The following DOCK7 variants were observed in gnomAD, a reference collection of about 807,000 sequenced individuals.
DOCK7 encodes dedicator of cytokinesis 7.
DOCK7 carries 138 observed loss-of-function variants against 271.0 expected under a neutral mutation model. That is an observed-to-expected ratio of 0.51 (90% CI 0.44 to 0.59). DOCK7 has a LOEUF of 0.59. Among genes scored for constraint, DOCK7 ranks in the 20% least tolerant of loss-of-function variants. DOCK7 has a pLI of 0.00. For synonymous variants in DOCK7, 823 were observed against 876.1 expected (o/e 0.94, Z 1.07); for missense variants, 2,066 against 2,592.4 (o/e 0.80, Z 4.41).
At chr1:62,512,614 A>G (rs763372114) in intron 33 of DOCK7, among the ~76,000 whole-genome samples, 1 of 152,208 alleles carries the variant, frequency 6.6e-6, no homozygotes, top group Non-Finnish European at 1.5e-5. Flanking sequence ...TTTTGCAAAT[A>G]AAGAGTAAAA....
At chr1:62,485,118 A>C in intron 43 of DOCK7, 1 of 977,684 alleles carries the variant, frequency 1.0e-6, no homozygotes, top group Non-Finnish European at 1.2e-6. Flanking sequence ...TCTGAATTAC[A>C]GAGTGAGACC....
chr1:62,611,778 A>G (rs1651817816), intron 14 of DOCK7, among the ~76,000 whole-genome samples: 1 of 152,094 alleles, frequency 6.6e-6, no homozygotes, highest in African/African-American at 2.4e-5. Context: ...CTACTCAAGA[A>G]AAAAAAACTG....
Position 62,584,813 on chromosome 1 carries a change from G to A in DOCK7, c.1801-1559C>T, listed in dbSNP as rs533575838. On this transcript the variant is annotated intron_variant, in intron 15 of 49. Transcript: ENST00000635253. ...TAAAGTCCCATGAAAGAAGTGAGAA[G>A]ATGCTATGGTAGCACCAAAGAGGGA... is the stretch of plus-strand genomic sequence containing the variant. 4.4e-5 allele frequency: 32 copies of A among 734,682 alleles called. No individual in the cohort carries two copies. The East Asian group carries it at 7.5e-4, about 17-fold the overall frequency. The allele number at this position is 734,682 out of a possible 1,614,324, so 45.5% of individuals were successfully genotyped here.
In DOCK7 at chr1:62,535,466, C is replaced by T. The variant is rs960125534; in HGVS notation, c.3611+27G>A. On this transcript the variant is annotated intron_variant, in intron 29 of 49. Transcript: ENST00000635253. The stretch of plus-strand genomic sequence containing the variant: ...CACTGTTCAAAATCAAACTCATATT[C>T]TACAAGGTAAAAACTAGTGTACTCA... 4 of 1,604,104 alleles carry T rather than the reference C, an allele frequency of 2.5e-6. No homozygotes were observed. In the Middle Eastern group the frequency reaches 5.0e-4, roughly 200 times the overall value.
chr1:62,576,086 T>C (rs1467009012), intron 18 of DOCK7, among the ~76,000 whole-genome samples: 1 of 152,180 alleles, frequency 6.6e-6, no homozygotes, highest in Non-Finnish European at 1.5e-5. Context: ...CTAATAAGTA[T>C]ATATTGAGTG....
chr1:62,508,396 A>T (rs1399313649), intron 34 of DOCK7, among the ~76,000 whole-genome samples: 1 of 152,228 alleles, frequency 6.6e-6, no homozygotes, highest in African/African-American at 2.4e-5. Flanking sequence ...GGACTGCTTC[A>T]TGGAAAACAA....
At chr1:62,604,239 T>C in intron 14 of DOCK7, 1 of 1,612,964 alleles carries the variant, frequency 6.2e-7, no homozygotes, top group South Asian at 1.1e-5. Flanking sequence ...TATTCAGGTA[T>C]CTTTTTCTGA....
chr1:62,641,338 C>G (rs896494050), intron 7 of DOCK7: 5 of 408,040 alleles, frequency 1.2e-5, no homozygotes, highest in Non-Finnish European at 2.4e-5. Flanking sequence ...TTCTCACAGG[C>G]TTCAGGCACA....
At chr1:62,597,540 T>G in intron 14 of DOCK7, 2 of 1,611,434 alleles carry the variant, frequency 1.2e-6, no homozygotes, top group Non-Finnish European at 1.7e-6. Context: ...AGTTCCACGT[T>G]GCTTGAAATT....
chr1:62,568,735 C>T (rs71334197), intron 18 of DOCK7, among the ~76,000 whole-genome samples: 2 of 148,928 alleles, frequency 1.3e-5, no homozygotes, highest in African/African-American at 2.5e-5. Flanking sequence ...AAGAAATAAC[C>T]AAGATCAGAG....
At chr1:62,473,680 C>T (rs1645893955) in intron 48 of DOCK7, among the ~76,000 whole-genome samples, 1 of 152,072 alleles carries the variant, frequency 6.6e-6, no homozygotes, top group African/African-American at 2.4e-5. Context: ...CAACTCCTAG[C>T]TCAAGCAATT....
chr1:62,681,433 T>C (rs1234271202), intron 1 of DOCK7, among the ~76,000 whole-genome samples: 1 of 150,488 alleles, frequency 6.6e-6, no homozygotes, highest in African/African-American at 2.4e-5. Flanking sequence ...ATACCTACTG[T>C]AAATGACGAG....
At chr1:62,549,546 T>C (rs1645823704) in intron 22 of DOCK7, among the ~76,000 whole-genome samples, 1 of 152,336 alleles carries the variant, frequency 6.6e-6, no homozygotes, top group Non-Finnish European at 1.5e-5. Context: ...TATGTATTTA[T>C]GGTTTACATG....
intron 14 of DOCK7, among the ~76,000 whole-genome samples, chr1:62,590,910 C>G (rs1030192758): frequency 1.3e-5 from 2 of 152,142 alleles, no homozygotes; most frequent in Non-Finnish European, 2.9e-5. Flanking sequence ...CTTAGTTTAA[C>G]CACTGTAGAA....
rs1456558067 is a variant in DOCK7 at position 62,543,655 on chromosome 1, C to T, written c.2949+1G>A. ...TATGAATTGTCTTCATATGAATCTA[C>T]CTTTTTAGTTGGTAAGCGTCCCGTT... is the stretch of plus-strand genomic sequence containing the variant. On this transcript the variant is annotated splice_donor_variant, in intron 24 of 49. Coordinates refer to ENST00000635253, the MANE Select transcript of DOCK7 (RefSeq NM_001367561.1). LOFTEE classifies it high-confidence loss of function. The T allele has an allele frequency of 2.5e-6, 4 of 1,597,118 alleles. No individual in the cohort carries two copies. The highest frequency in any genetic ancestry group is 2.6e-6 in the Non-Finnish European group (3 of 1,167,552).
chr1:62,532,595 A>G (rs1466387611), intron 29 of DOCK7, among the ~76,000 whole-genome samples: 3 of 152,210 alleles, frequency 2.0e-5, no homozygotes, highest in South Asian at 2.1e-4. Context: ...TCAGCCTCGC[A>G]AAGTGTTGGG....
At chr1:62,601,571 T>A (rs1650126773) in intron 14 of DOCK7, among the ~76,000 whole-genome samples, 1 of 151,632 alleles carries the variant, frequency 6.6e-6, no homozygotes, top group African/African-American at 2.4e-5. Context: ...ATAATTAATT[T>A]TTTAAAAGAA....
chr1:62,654,093 C>T lies in DOCK7; in HGVS notation c.211G>A (p.Val71Met). The T allele has an allele frequency of 1.9e-6, 3 of 1,613,992 alleles. No individual in the cohort carries two copies. Among genetic ancestry groups the T allele is most frequent in the Non-Finnish European group, 2.5e-6 (3 of 1,179,934 alleles). ...AAATCCCGTAAAGGCCCAGAATCCA[C>T]AGCCAAAGGATGAGTAATGAGGTAA... is the stretch of plus-strand genomic sequence containing the variant. ...EDYLITHPLA[V>M]DSGPLRDLIE... Residue 71 changes from valine (V) to methionine (M), a missense_variant, in exon 3 of 50, where the codon GTG (valine) becomes ATG (methionine). Coordinates refer to ENST00000635253, the MANE Select transcript of DOCK7 (RefSeq NM_001367561.1).
At chr1:62,455,607 C>G (rs1645325172) in intron 49 of DOCK7, 151 bp from the exon 50 acceptor site, 1 of 682,724 alleles carries the variant, frequency 1.5e-6, no homozygotes, top group Non-Finnish European at 2.6e-6. Flanking sequence ...CCTACCTACT[C>G]TGCCTTATAT....
Sources: gnomAD v4.1 joint callset for allele counts (sites outside exome capture counted in the v4.1 genomes callset) on GRCh38, gnomAD v4.1.1 for gene constraint, MANE v1.5 for transcripts, NCBI Gene and HGNC (gene_info 2026-07-23, HGNC 2026-07-21) for gene names.